C1D: variants seen among roughly 807,000 people sequenced by gnomAD.
C1D encodes nuclear nucleic acid-binding protein C1D.
C1D carries 10 observed loss-of-function variants against 17.5 expected under a neutral mutation model. That is an observed-to-expected ratio of 0.57 (90% CI 0.35 to 0.97). The LOEUF (loss-of-function observed/expected upper bound fraction) is 0.97, where lower values mean the gene tolerates loss of function less well. C1D is among the 50% of genes least tolerant of loss of function. The pLI is 0.01. For synonymous variants in C1D, 49 were observed against 54.0 expected (o/e 0.91, Z 0.40); for missense variants, 136 against 160.1 (o/e 0.85, Z 0.81).
intron 1 of C1D, among the ~76,000 whole-genome samples, chr2:68,047,532 C>T (rs981517898): frequency 1.3e-5 from 2 of 152,108 alleles, no homozygotes; most frequent in African/African-American, 4.8e-5. Flanking sequence ...AAGAACCAAC[C>T]GAAGCCCACT....
intron 1 of C1D, among the ~76,000 whole-genome samples, chr2:68,048,771 C>G: frequency 6.6e-6 from 1 of 152,108 alleles, no homozygotes; most frequent in East Asian, 1.9e-4. Flanking sequence ...AAAATATGCA[C>G]TTGCCGCTCA....
chr2:68,061,536 ACCTTCCAAAAC>A (rs1671627639), intron 1 of C1D, among the ~76,000 whole-genome samples: 1 of 152,236 alleles, frequency 6.6e-6, no homozygotes, highest in East Asian at 1.9e-4. Context: ...CAGCAAAATT[ACCTTCCAAAAC>A]ATATGGAAGT....
At chr2:68,046,081 G>A (rs768283031) in intron 3 of C1D, 38 bp from the exon 4 acceptor site, 2 of 1,381,760 alleles carry the variant, frequency 1.4e-6, no homozygotes, top group Admixed American at 2.1e-5. Context: ...AATGGTGAAT[G>A]TATTAATTTA....
At chr2:68,059,631 T>C (rs1055175126) in intron 1 of C1D, among the ~76,000 whole-genome samples, 1 of 152,168 alleles carries the variant, frequency 6.6e-6, no homozygotes, top group Non-Finnish European at 1.5e-5. Flanking sequence ...AAGGTGTCAA[T>C]CTTCATTTCA....
At chr2:68,047,397 G>A in intron 1 of C1D, 78 bp from the exon 2 acceptor site, 1 of 1,052,340 alleles carries the variant, frequency 9.5e-7, no homozygotes. Flanking sequence ...AAATCAATAG[G>A]TCATATCATG....
At position 68,042,834 on chromosome 2, in the gene C1D, G is replaced by GGC. The variant is rs1553387999; in HGVS notation, c.*54_*55insGC. 1.6e-5 allele frequency: 1 copy of GGC among 62,510 alleles called. No homozygotes were observed. Among genetic ancestry groups the GGC allele is most frequent in the Admixed American group, 2.2e-4 (1 of 4,490 alleles). 3.9% of individuals were successfully genotyped at this position (62,510 alleles called of 1,614,324 possible). A position where few individuals can be genotyped will look rare whatever the true frequency, so the allele number is the denominator to read the frequency against. On this transcript the variant is annotated 3_prime_UTR_variant, in exon 5 of 5. Coordinates refer to ENST00000410067, the MANE Select transcript of C1D (RefSeq NM_173177.3). ...CTGCCACAGAATTATTTTGCGGGGG[G>GGC]GGGGGGGGGGGGGAAGATGTACTTT...
intron 1 of C1D, among the ~76,000 whole-genome samples, chr2:68,048,000 C>T (rs923499316): frequency 3.3e-5 from 5 of 151,854 alleles, no homozygotes; most frequent in African/African-American, 7.3e-5. Flanking sequence ...GTCTAAAATA[C>T]GTATCACAGA....
At chr2:68,046,795 G>C (rs7605667) in intron 2 of C1D, among the ~76,000 whole-genome samples, 43,993 of 152,046 alleles carry the variant, frequency 0.29, 9,147 homozygotes, top group African/African-American at 0.59. Context: ...TAGGCAATAC[G>C]AAAGACAGAA....
chr2:68,060,353 T>C (rs1263662579), intron 1 of C1D, among the ~76,000 whole-genome samples: 1 of 152,128 alleles, frequency 6.6e-6, no homozygotes, highest in East Asian at 1.9e-4. Flanking sequence ...TATTAAAACG[T>C]GAGTCAGGCT....
intron 1 of C1D, among the ~76,000 whole-genome samples, chr2:68,062,589 T>C (rs116358896): frequency 3.7e-4 from 57 of 152,352 alleles, no homozygotes; most frequent in East Asian, 7.7e-4. Flanking sequence ...CTAAGCAAGA[T>C]TGAAAACAGC....
At chr2:68,046,438 G>A in intron 2 of C1D, 28 bp from the exon 3 acceptor site, 4 of 1,431,722 alleles carry the variant, frequency 2.8e-6, no homozygotes, top group South Asian at 1.2e-5. Flanking sequence ...GAGAGGGAAA[G>A]AGAGAAAGTG....
At chr2:68,059,996 A>C (rs371850908) in intron 1 of C1D, among the ~76,000 whole-genome samples, 192 of 152,352 alleles carry the variant, frequency 1.3e-3, no homozygotes, top group African/African-American at 4.3e-3. Context: ...ACAGACATCA[A>C]AAACTTATCA....
chr2:68,047,329 A>C lies in C1D; in HGVS notation c.-9-10T>G. On this transcript the variant is annotated splice_polypyrimidine_tract_variant and intron_variant, in intron 1 of 4. Transcript: ENST00000410067. ...CTGCCATTATGGCTGACTGGAAAAA[A>C]TTAAATTCTTTGAATTCATATTAGA... 2 of 1,593,374 alleles carry C rather than the reference A, an allele frequency of 1.3e-6. No homozygotes were observed. The highest frequency in any genetic ancestry group is 1.7e-6 in the Non-Finnish European group (2 of 1,173,154).
At chr2:68,043,236 G>A (rs1026623260) in intron 4 of C1D, among the ~76,000 whole-genome samples, 183 bp from the exon 5 acceptor site, 16 of 152,098 alleles carry the variant, frequency 1.1e-4, no homozygotes, top group Admixed American at 4.6e-4. Flanking sequence ...GTTCATAGTC[G>A]GAGGGTGGGG....
Position 68,042,840 on chromosome 2 carries a change from G to GGC in C1D, c.*48_*49insGC. 2.6e-6 allele frequency: 1 copy of GGC among 389,206 alleles called. No homozygotes were observed. Among genetic ancestry groups the GGC allele is most frequent in the South Asian group, 2.8e-5 (1 of 35,554 alleles). The allele number at this position is 389,206 out of a possible 1,614,324, so 24.1% of individuals were successfully genotyped here. ...CAGAATTATTTTGCGGGGGGGGGGG[G>GGC]GGGGGGGAAGATGTACTTTTTGAAT... On this transcript the variant is annotated 3_prime_UTR_variant, in exon 5 of 5. Coordinates refer to ENST00000410067, the MANE Select transcript of C1D (RefSeq NM_173177.3).
chr2:68,061,257 A>G (rs1397686550), intron 1 of C1D, among the ~76,000 whole-genome samples: 1 of 152,242 alleles, frequency 6.6e-6, no homozygotes, highest in East Asian at 1.9e-4. Flanking sequence ...TTCTCAATAA[A>G]TATTGCTGTC....
chr2:68,056,014 G>A (rs1671429710), intron 1 of C1D, among the ~76,000 whole-genome samples: 1 of 152,184 alleles, frequency 6.6e-6, no homozygotes. Flanking sequence ...GTTACTGGGT[G>A]CTCACTACAT....
At chr2:68,053,723 C>CT (rs778235966) in intron 1 of C1D, among the ~76,000 whole-genome samples, 8 of 152,330 alleles carry the variant, frequency 5.3e-5, no homozygotes, top group Admixed American at 1.3e-4. Flanking sequence ...CTAACCTCAT[C>CT]TTTCATGGCT....
intron 1 of C1D, among the ~76,000 whole-genome samples, chr2:68,060,159 T>C (rs1671577395): frequency 6.6e-6 from 1 of 152,224 alleles, no homozygotes; most frequent in Non-Finnish European, 1.5e-5. Context: ...CTGTAAGCAA[T>C]TCTGTTTGCT....
Sources: allele counts gnomAD v4.1 joint callset (sites outside exome capture counted in the v4.1 genomes callset), GRCh38; gene constraint gnomAD v4.1.1; transcripts MANE v1.5; gene names NCBI Gene and HGNC (gene_info 2026-07-23, HGNC 2026-07-21).